Variants in ELOVL7 observed in about 807,000 individuals in gnomAD.
ELOVL7 encodes the protein very long chain fatty acid elongase 7.
In ELOVL7, 27 loss-of-function variants were observed where a neutral mutation model predicts 35.7. The observed-to-expected ratio is 0.76, with a 90% CI of 0.56 to 1.04. The LOEUF (loss-of-function observed/expected upper bound fraction) is 1.04, where lower values mean the gene tolerates loss of function less well. Among genes scored for constraint, ELOVL7 ranks in the 50% least tolerant of loss-of-function variants. The pLI, the probability that ELOVL7 is intolerant of heterozygous loss-of-function variation, is 0.00. For synonymous variants in ELOVL7, 113 were observed against 114.6 expected, an observed-to-expected ratio of 0.99 and a Z score of 0.09; for missense variants, 327 against 340.8, an observed-to-expected ratio of 0.96 and a Z score of 0.32.
chr5:60,794,621 T>C (rs967137069), intron 2 of ELOVL7, among the ~76,000 whole-genome samples: 2 of 152,228 alleles, frequency 1.3e-5, no homozygotes, highest in African/African-American at 2.4e-5. Context: ...GGAGACACTG[T>C]ACCTGAGGGA....
At chr5:60,795,582 G>A (rs1744203922) in intron 2 of ELOVL7, among the ~76,000 whole-genome samples, 2 of 152,166 alleles carry the variant, frequency 1.3e-5, no homozygotes, top group Non-Finnish European at 2.9e-5. Flanking sequence ...TCTGGTCCGT[G>A]TTTGTTCTGG....
intron 3 of ELOVL7, among the ~76,000 whole-genome samples, chr5:60,776,514 A>C (rs1359459636): frequency 2.0e-5 from 3 of 152,248 alleles, no homozygotes; most frequent in Non-Finnish European, 4.4e-5. Context: ...TGTGGTACAT[A>C]TATACTGTGG....
intron 1 of ELOVL7, among the ~76,000 whole-genome samples, chr5:60,837,307 C>CG (rs1382082623): frequency 0.011 from 108 of 9,966 alleles, no homozygotes; most frequent in Middle Eastern, 0.083. Context: ...CGTGGTAGGG[C>CG]GGGGGGGTGG....
intron 3 of ELOVL7, among the ~76,000 whole-genome samples, chr5:60,773,527 C>T (rs958957303): frequency 2.0e-5 from 3 of 152,028 alleles, no homozygotes; most frequent in African/African-American, 7.2e-5. Context: ...AAATAAGCCT[C>T]CCTCAAAAAT....
intron 3 of ELOVL7, chr5:60,784,296 T>C (rs1290671763): frequency 2.1e-6 from 1 of 469,818 alleles, no homozygotes. Flanking sequence ...TCATACTCCA[T>C]CTTCTTGCAA....
intron 1 of ELOVL7, among the ~76,000 whole-genome samples, chr5:60,802,115 TATAC>T (rs1222850079): frequency 0.015 from 99 of 6,694 alleles, 8 homozygotes; most frequent in Admixed American, 0.015. Flanking sequence ...TATATATATA[TATAC>T]ACACACACAC....
intron 2 of ELOVL7, among the ~76,000 whole-genome samples, chr5:60,797,511 T>C (rs1461965112): frequency 6.6e-6 from 1 of 152,218 alleles, no homozygotes; most frequent in East Asian, 1.9e-4. Context: ...GAGGTGCCCA[T>C]GCCTCCTGGC....
At chr5:60,758,548 T>C (rs942903117) in intron 7 of ELOVL7, among the ~76,000 whole-genome samples, 1 of 152,218 alleles carries the variant, frequency 6.6e-6, no homozygotes, top group Admixed American at 6.5e-5. Flanking sequence ...ATTTACGGCT[T>C]CCAATTGATT....
rs774249282 is a variant in ELOVL7, at chr5:60,753,496, T to A, written c.*1128A>T. ...TTAATTATATAATATATTACTATTA[T>A]GTAGTCTGTCTGTCTCTCTCTCAAA... On this transcript the variant is annotated 3_prime_UTR_variant, in exon 9 of 9. Transcript: ENST00000508821. 1 of 152,196 alleles carries A rather than the reference T, an allele frequency of 6.6e-6. No individual in the cohort carries two copies. Among genetic ancestry groups the A allele is most frequent in the Admixed American group, 6.6e-5 (1 of 15,266 alleles). 9.4% of individuals were successfully genotyped at this position (152,196 alleles called of 1,614,324 possible).
At chr5:60,802,099 TATATATATATATATATATAC>T (rs1296880459) in intron 1 of ELOVL7, among the ~76,000 whole-genome samples, 230 of 15,300 alleles carry the variant, frequency 0.015, 11 homozygotes, top group Admixed American at 0.04. Flanking sequence ...TATATATATA[TATATATATATATATATATAC>T]ACACACACAC....
At chr5:60,768,446 T>C (rs1360813863) in intron 4 of ELOVL7, among the ~76,000 whole-genome samples, 1 of 152,252 alleles carries the variant, frequency 6.6e-6, no homozygotes, top group Middle Eastern at 3.2e-3. Flanking sequence ...TGGTAGTCCA[T>C]GGCTCAGATA....
chr5:60,787,448 C>T lies in ELOVL7; in HGVS notation c.-34-17G>A, dbSNP rs10072745. The T allele has an allele frequency of 1.5e-5, 21 of 1,373,752 alleles. No individual in the cohort carries two copies. Among genetic ancestry groups the T allele is most frequent in the Non-Finnish European group, 2.1e-5 (21 of 999,406 alleles). The allele number at this position is 1,373,752 out of a possible 1,614,324, so 85.1% of individuals were successfully genotyped here. A position where few individuals can be genotyped will look rare whatever the true frequency, so the allele number is the denominator to read the frequency against. The stretch of plus-strand genomic sequence containing the variant: ...TAATGGGTTCTTCAGTAAAATAAAA[C>T]AGAAATGAGTTTATAATCTATAAAT... On this transcript the variant is annotated splice_polypyrimidine_tract_variant and intron_variant, in intron 2 of 8. Transcript: ENST00000508821.
rs59849955 is a variant in ELOVL7, at chr5:60,802,061, CATATATATATATATAT to C, written c.-85-2847_-85-2832del. Among the ~76,000 whole-genome samples the C allele has an allele frequency of 2.4e-3, 188 of 77,308 alleles. 1 individual carries two copies. Among genetic ancestry groups the C allele is most frequent in the South Asian group, 7.7e-3 (14 of 1,820 alleles). 50.7% of individuals were successfully genotyped at this position (77,308 alleles called of 152,430 possible). A position where few individuals can be genotyped will look rare whatever the true frequency, so the allele number is the denominator to read the frequency against. On this transcript the variant is annotated intron_variant, in intron 1 of 8. Transcript: ENST00000508821. ...GAGCCAATTCTCCCTAATAAACTCT[CATATATATATATATAT>C]ATATATATATATATATATATATATA...
At chr5:60,796,316 A>C (rs1270565217) in intron 2 of ELOVL7, among the ~76,000 whole-genome samples, 1 of 152,240 alleles carries the variant, frequency 6.6e-6, no homozygotes, top group Non-Finnish European at 1.5e-5. Flanking sequence ...AGTATATTAA[A>C]ACATGGGGGA....
At chr5:60,784,292 TCCATCTTCTTGC>T in intron 3 of ELOVL7, 1 of 478,740 alleles carries the variant, frequency 2.1e-6, no homozygotes, top group African/African-American at 1.9e-5. Context: ...TTACTCATAC[TCCATCTTCTTGC>T]AAAAAAAGGA....
chr5:60,807,226 T>C (rs569010845), intron 1 of ELOVL7, among the ~76,000 whole-genome samples: 6 of 152,148 alleles, frequency 3.9e-5, no homozygotes, highest in South Asian at 2.1e-4. Context: ...GGAAACTCCA[T>C]ACACTGGTGA....
intron 8 of ELOVL7, among the ~76,000 whole-genome samples, chr5:60,755,704 G>A (rs1398374122): frequency 6.6e-6 from 1 of 152,090 alleles, no homozygotes; most frequent in African/African-American, 2.4e-5. Flanking sequence ...GAATCTACGA[G>A]GTGTGAGAGA....
intron 1 of ELOVL7, among the ~76,000 whole-genome samples, chr5:60,836,644 G>A (rs1403865935): frequency 6.6e-6 from 1 of 151,986 alleles, no homozygotes; most frequent in African/African-American, 2.4e-5. Flanking sequence ...TAAGTAATAA[G>A]TGCCCTTTAC....
Position 60,820,628 on chromosome 5 carries a change from G to A in ELOVL7, c.-85-21398C>T, listed in dbSNP as rs150884778. Among the ~76,000 whole-genome samples the A allele has an allele frequency of 2.0e-4, 31 of 152,216 alleles. 2 individuals carry two copies. The East Asian group carries it at 2.9e-3, about 14-fold the overall frequency. ...ACACAGAAAGGCACCTAACTGGTAC[G>A]ACATCTTTAGACTCTTGACTTCTCA... is the stretch of plus-strand genomic sequence containing the variant. On this transcript the variant is annotated intron_variant, in intron 1 of 8. Transcript: ENST00000508821.
Sources: allele counts gnomAD v4.1 joint callset (sites outside exome capture counted in the v4.1 genomes callset), GRCh38; gene constraint gnomAD v4.1.1; transcripts MANE v1.5; gene names NCBI Gene and HGNC (gene_info 2026-07-23, HGNC 2026-07-21).